LAT2: variants seen among roughly 807,000 people sequenced by gnomAD.
LAT2 encodes the protein linker for activation of T-cells family member 2.
In LAT2, 23 loss-of-function variants were observed where a neutral mutation model predicts 43.4. That is an observed-to-expected ratio of 0.53 (90% CI 0.38 to 0.75). LAT2 has a LOEUF of 0.75. Among genes scored for constraint, LAT2 ranks in the 30% least tolerant of loss-of-function variants. The pLI is 0.00. For missense variants in LAT2, 284 were observed against 310.2 expected (o/e 0.92, Z 0.64); for synonymous variants, 128 against 123.2 (o/e 1.04, Z -0.26).
chr7:74,216,948 C>A, intron 4 of LAT2, 84 bp downstream of exon 4: 1 of 1,136,726 alleles, frequency 8.8e-7, no homozygotes, highest in Non-Finnish European at 1.3e-6. Flanking sequence ...GCACCCCATC[C>A]TTCACCCCTT....
At chr7:74,222,436 G>A (rs1554715452) in intron 10 of LAT2, among the ~76,000 whole-genome samples, 1 of 151,492 alleles carries the variant, frequency 6.6e-6, no homozygotes, top group Non-Finnish European at 1.5e-5. Context: ...AAGGGCAACT[G>A]AGGACTCAGG....
rs1218720983 is a variant in LAT2 at position 74,220,789 on chromosome 7, TC to T, written c.332+60del. ...CTCGCCTCTCCCCCTGCCCCACCTCTCCCCCTGCCCCACCTCTCCCCCTGCC... is the reference window on the plus strand; with the variant it reads ...CTCGCCTCTCCCCCTGCCCCACCTCTCCCCTGCCCCACCTCTCCCCCTGCC... On this transcript the variant is annotated intron_variant, in intron 9 of 13. Transcript: ENST00000460943. This position sits in a 1 kb window ranked among gnomAD's most constrained non-coding sequence, Gnocchi z 4.5. 10 of 1,242,998 alleles carry T rather than the reference TC, an allele frequency of 8.0e-6. No individual in the cohort carries two copies. Among genetic ancestry groups the T allele is most frequent in the African/African-American group, 1.9e-5 (1 of 53,246 alleles). The allele number at this position is 1,242,998 out of a possible 1,614,324, so 77.0% of individuals were successfully genotyped here.
intron 13 of LAT2, among the ~76,000 whole-genome samples, chr7:74,226,743 G>A (rs1554716163): frequency 1.3e-5 from 2 of 152,138 alleles, no homozygotes; most frequent in African/African-American, 2.4e-5. Flanking sequence ...CAGGGAAGCG[G>A]GGCAGGAAGT....
chr7:74,219,913 G>A, intron 5 of LAT2, 47 bp from the exon 6 acceptor site: 1 of 1,612,728 alleles, frequency 6.2e-7, no homozygotes, highest in Non-Finnish European at 8.5e-7. Context: ...TGAGGGGGCT[G>A]GGCTAGCTGG....
chr7:74,228,771 AGAGT>A (rs1470704862), intron 13 of LAT2, among the ~76,000 whole-genome samples, 169 bp from the exon 14 acceptor site: 1 of 151,878 alleles, frequency 6.6e-6, no homozygotes, highest in Non-Finnish European at 1.5e-5. Context: ...CCTGGGTGAC[AGAGT>A]GAGACTCCAT....
intron 1 of LAT2, among the ~76,000 whole-genome samples, chr7:74,214,106 A>ATG (rs1235698727): frequency 3.5e-5 from 4 of 114,400 alleles, no homozygotes; most frequent in African/African-American, 1.5e-4. Context: ...ATATAAATAT[A>ATG]TATATGAAAA....
In LAT2 at chr7:74,220,669, A is replaced by AG. The variant is rs781972449; in HGVS notation, c.302-31dup. The AG allele has an allele frequency of 6.2e-5, 100 of 1,613,646 alleles. No individual in the cohort carries two copies. The highest frequency in any genetic ancestry group is 8.5e-5 in the Non-Finnish European group (100 of 1,179,720). On this transcript the variant is annotated intron_variant, in intron 8 of 13. Transcript: ENST00000460943. This position sits in a 1 kb window ranked among gnomAD's most constrained non-coding sequence, Gnocchi z 4.5. ...GGAGGCCATGGTGGGGGCCACACCC[A>AG]GGGGCTCAGGCCCAATTCTCGCCTC...
At chr7:74,215,773 G>A (rs1367297954) in intron 2 of LAT2, among the ~76,000 whole-genome samples, 174 bp from the exon 3 acceptor site, 1 of 152,160 alleles carries the variant, frequency 6.6e-6, no homozygotes, top group Non-Finnish European at 1.5e-5. Flanking sequence ...GTGTTGGTTT[G>A]GGGTCACATG....
chr7:74,220,867 A>G lies in LAT2; in HGVS notation c.332+133A>G. The G allele has an allele frequency of 1.4e-5, 10 of 740,732 alleles. No individual in the cohort carries two copies. The South Asian group carries it at 2.0e-4, about 15-fold the overall frequency. 45.9% of individuals were successfully genotyped at this position (740,732 alleles called of 1,614,324 possible). Reference sequence around the variant, plus strand: ...TCCTGGTCCAGGAACCACCTCTTGCACTAGAACGAGGCATCCAGGTTCCCC... The same window carrying G: ...TCCTGGTCCAGGAACCACCTCTTGCGCTAGAACGAGGCATCCAGGTTCCCC... On this transcript the variant is annotated intron_variant, in intron 9 of 13. Coordinates refer to ENST00000460943, the MANE Select transcript of LAT2 (RefSeq NM_032464.3). This position sits in a 1 kb window ranked among gnomAD's most constrained non-coding sequence, Gnocchi z 4.5.
At chr7:74,217,820 A>C (rs1296746120) in intron 4 of LAT2, among the ~76,000 whole-genome samples, 1 of 152,214 alleles carries the variant, frequency 6.6e-6, no homozygotes, top group African/African-American at 2.4e-5. Context: ...ACCCCCGAGC[A>C]GTCACTCATG....
chr7:74,219,285 A>G (rs1802170482), intron 4 of LAT2, among the ~76,000 whole-genome samples: 1 of 152,044 alleles, frequency 6.6e-6, no homozygotes, highest in Non-Finnish European at 1.5e-5. Flanking sequence ...AGCAGGTGGG[A>G]GGCAGCCTCA....
chr7:74,224,549 T>G, intron 12 of LAT2, 90 bp from the exon 13 acceptor site: 2 of 1,142,196 alleles, frequency 1.8e-6, no homozygotes, highest in Non-Finnish European at 2.6e-6. Context: ...GCGGGCTGTT[T>G]TGTGGAGTCT....
rs189382483 is a variant in LAT2 at position 74,210,421 on chromosome 7, G to A, written c.-219+333G>A. Among the ~76,000 whole-genome samples, 290 of 152,288 alleles carry A rather than the reference G, an allele frequency of 1.9e-3. 1 individual carries two copies. Among genetic ancestry groups the A allele is most frequent in the African/African-American group, 6.7e-3 (279 of 41,560 alleles). ...TGGGAGCCTCGGTTTCCTCATCCGT[G>A]AAATGGGACTGTAACCCCCTACACA... On this transcript the variant is annotated intron_variant, in intron 1 of 13. Coordinates refer to ENST00000460943, the MANE Select transcript of LAT2 (RefSeq NM_032464.3).
Position 74,220,645 on chromosome 7 carries a change from G to C in LAT2, c.301+26G>C. 6.2e-7 allele frequency: 1 copy of C among 1,613,994 alleles called. No individual in the cohort carries two copies. The highest frequency in any genetic ancestry group is 1.1e-5 in the South Asian group (1 of 91,090). On this transcript the variant is annotated intron_variant, in intron 8 of 13. Coordinates refer to ENST00000460943, the MANE Select transcript of LAT2 (RefSeq NM_032464.3). The surrounding 1 kb of genome is among the most constrained non-coding windows in gnomAD (Gnocchi z 4.5). Reference sequence around the variant, plus strand: ...GTAGGTAGGCTCCTGGAGAAAGGGGGAGGCCATGGTGGGGGCCACACCCAG... The same window carrying C: ...GTAGGTAGGCTCCTGGAGAAAGGGGCAGGCCATGGTGGGGGCCACACCCAG...
intron 1 of LAT2, among the ~76,000 whole-genome samples, chr7:74,213,380 C>T (rs1397033593): frequency 6.6e-6 from 1 of 150,458 alleles, no homozygotes; most frequent in African/African-American, 2.4e-5. Context: ...CTCAGCCTCC[C>T]AAAGTGTTGG....
At chr7:74,217,004 C>A in intron 4 of LAT2, 140 bp downstream of exon 4, 1 of 708,424 alleles carries the variant, frequency 1.4e-6, no homozygotes, top group Non-Finnish European at 2.5e-6. Context: ...CCCTAGCCAT[C>A]AGAGAAGGGA....
In LAT2 at chr7:74,224,230, A is replaced by G. The variant is rs1300664394; in HGVS notation, c.628+33A>G. Reference sequence around the variant, plus strand: ...GCCGGGAGAAGAGGCAGGGTGGTCCACTTAGGGCAGGCTTGAGGGACTGGC... The same window carrying G: ...GCCGGGAGAAGAGGCAGGGTGGTCCGCTTAGGGCAGGCTTGAGGGACTGGC... On this transcript the variant is annotated intron_variant, in intron 12 of 13. Transcript: ENST00000460943. 5.6e-6 allele frequency: 9 copies of G among 1,604,056 alleles called. No individual in the cohort carries two copies. In the African/African-American group the frequency reaches 1.1e-4, roughly 19 times the overall value.
At chr7:74,215,820 G>C (rs1395876759) in intron 2 of LAT2, 127 bp from the exon 3 acceptor site, 1 of 700,174 alleles carries the variant, frequency 1.4e-6, no homozygotes, top group African/African-American at 1.7e-5. Flanking sequence ...GCCCAGTGCA[G>C]GAGCGGGGAG....
At chr7:74,219,659 T>C in intron 4 of LAT2, 85 bp from the exon 5 acceptor site, 1 of 1,534,420 alleles carries the variant, frequency 6.5e-7, no homozygotes, top group Non-Finnish European at 9.0e-7. Context: ...TCCCTCCTCA[T>C]CCCTGCCTGT....
Sources: allele counts gnomAD v4.1 joint callset (sites outside exome capture counted in the v4.1 genomes callset), GRCh38; gene constraint gnomAD v4.1.1; non-coding constraint Gnocchi (gnomAD v3.1); transcripts MANE v1.5; gene names NCBI Gene and HGNC (gene_info 2026-07-23, HGNC 2026-07-21).